The following POLR2F variants were observed in gnomAD, a reference collection of about 807,000 sequenced individuals.
POLR2F encodes RNA polymerase II, I and III subunit F.
POLR2F carries 12 observed loss-of-function variants against 22.7 expected under a neutral mutation model. That is an observed-to-expected ratio of 0.53 (90% confidence interval 0.34 to 0.86). The LOEUF (loss-of-function observed/expected upper bound fraction) is 0.86. Ranked by LOEUF, POLR2F falls within the 40% of genes least tolerant of loss-of-function variation. The pLI is 0.02. For synonymous variants in POLR2F, 57 were observed against 66.0 expected (o/e 0.86, Z 0.66); for missense variants, 126 against 171.5 (o/e 0.73, Z 1.48).
upstream of POLR2F, among the ~76,000 whole-genome samples, chr22:37,982,863 C>T (rs1932444000): frequency 1.3e-5 from 2 of 152,178 alleles, no homozygotes; most frequent in African/African-American, 2.4e-5. Flanking sequence ...TTCTTCATCC[C>T]TCACTCTTCC....
chr22:37,960,851 C>CTTTTTTT (rs71195075), intron 3 of POLR2F, among the ~76,000 whole-genome samples: 1 of 131,560 alleles, frequency 7.6e-6, no homozygotes, highest in Non-Finnish European at 1.6e-5. Flanking sequence ...TTTCTTTTTT[C>CTTTTTTT]TTTTTTTTTT....
At position 38,017,363 on chromosome 22, in the gene POLR2F, T is replaced by C. The variant is rs78899198; in HGVS notation, c.121-8506T>C. On this transcript the variant is annotated intron_variant, in intron 1 of 2. Coordinates refer to the POLR2F transcript ENST00000333418. The surrounding 1 kb of genome is among the most constrained non-coding windows in gnomAD (Gnocchi z 4.1). ...ATCATGCTCAATGTCAGCTTGGCTC[T>C]TGGGGGTCTGTCTCCCAGCTGGGCC... Among the ~76,000 whole-genome samples, 1,960 of 152,190 alleles carry C rather than the reference T, an allele frequency of 0.013. 23 individuals are homozygous for C. The highest frequency in any genetic ancestry group is 0.033 in the South Asian group (160 of 4,818).
chr22:38,027,561 C>T (rs2085025381), downstream of POLR2F, among the ~76,000 whole-genome samples: 1 of 152,158 alleles, frequency 6.6e-6, no homozygotes, highest in Admixed American at 6.5e-5. Flanking sequence ...TCTGAGACCA[C>T]ATCTGGCCTC....
intron 5 of POLR2F, among the ~76,000 whole-genome samples, chr22:38,036,378 C>T (rs200670592): frequency 6.6e-6 from 1 of 151,684 alleles, no homozygotes; most frequent in Non-Finnish European, 1.5e-5. Context: ...AAAAATTCCC[C>T]GAAGGAGAGG....
At position 37,997,994 on chromosome 22, in the gene POLR2F, T is replaced by C. The variant is rs1175421982; in HGVS notation, c.120+11682T>C. Among the ~76,000 whole-genome samples the C allele has an allele frequency of 6.6e-6, 1 of 152,082 alleles. No homozygotes were observed. The highest frequency in any genetic ancestry group is 2.4e-5 in the African/African-American group (1 of 41,410). ...TTTGTGTCCCCTTCCGGTGAGAGCT[T>C]TCCAGCGCCCAGAGAGCCAAGACGG... On this transcript the variant is annotated intron_variant, in intron 1 of 2. Transcript: ENST00000333418. This position sits in a 1 kb window ranked among gnomAD's most constrained non-coding sequence, Gnocchi z 4.4.
At chr22:37,973,690 G>A, downstream of POLR2F, 1 of 1,610,172 alleles carries the variant, frequency 6.2e-7, no homozygotes, top group Non-Finnish European at 8.5e-7. Flanking sequence ...GATGGTCAGA[G>A]TAGTCAAACT....
At chr22:38,029,351 A>G (rs1436558110), downstream of POLR2F, among the ~76,000 whole-genome samples, 1 of 152,232 alleles carries the variant, frequency 6.6e-6, no homozygotes, top group Non-Finnish European at 1.5e-5. Context: ...AGTTAGTTCA[A>G]CAAGCACCTC....
At chr22:38,037,981 A>G (rs1302187303) in intron 5 of POLR2F, among the ~76,000 whole-genome samples, 2 of 152,092 alleles carry the variant, frequency 1.3e-5, no homozygotes, top group African/African-American at 2.4e-5. Flanking sequence ...AGCAAGGGTC[A>G]TCAAGTCAGC....
At chr22:37,974,268 A>G, downstream of POLR2F, 1 of 1,215,292 alleles carries the variant, frequency 8.2e-7, no homozygotes, top group Non-Finnish European at 1.2e-6. The surrounding 1 kb of genome is among the most constrained non-coding windows in gnomAD (Gnocchi z 5.4). Context: ...GGCGCACGTG[A>G]ACTTCCATGG....
At chr22:38,037,100 G>A (rs1372023899) in intron 5 of POLR2F, among the ~76,000 whole-genome samples, 1 of 152,174 alleles carries the variant, frequency 6.6e-6, no homozygotes, top group African/African-American at 2.4e-5. Context: ...GCATCTTCCT[G>A]AGGAGAGAGG....
At chr22:38,031,176 G>A (rs895169296), downstream of POLR2F, among the ~76,000 whole-genome samples, 11 of 152,262 alleles carry the variant, frequency 7.2e-5, no homozygotes, top group African/African-American at 1.9e-4. The surrounding 1 kb of genome is among the most constrained non-coding windows in gnomAD (Gnocchi z 4.1). Flanking sequence ...GGTTAAGAGC[G>A]AGAGTTTGGG....
At chr22:38,013,677 TCATTCTCTCTCCA>T (rs1296513734) in intron 1 of POLR2F, among the ~76,000 whole-genome samples, 1 of 152,240 alleles carries the variant, frequency 6.6e-6, no homozygotes, top group African/African-American at 2.4e-5. Context: ...TTAGGTCACC[TCATTCTCTCTCCA>T]CATTCTTCTG....
chr22:38,000,163 C>T (rs1027975756), intron 1 of POLR2F, among the ~76,000 whole-genome samples: 1 of 152,228 alleles, frequency 6.6e-6, no homozygotes, highest in East Asian at 1.9e-4. Flanking sequence ...ACAGTGTGTG[C>T]AGCCACTGGC....
At chr22:38,022,433 C>A (rs2145821736) in intron 1 of POLR2F, among the ~76,000 whole-genome samples, 1 of 151,514 alleles carries the variant, frequency 6.6e-6, no homozygotes, top group East Asian at 2.0e-4. Context: ...TGCCTGTAAT[C>A]CCAGGTGCTC....
At chr22:38,014,137 A>G (rs113735714) in intron 1 of POLR2F, among the ~76,000 whole-genome samples, 3,916 of 151,548 alleles carry the variant, frequency 0.026, 157 homozygotes, top group African/African-American at 0.086. Context: ...AAAAAAAAAA[A>G]AAAAGAAAAA....
At chr22:37,973,220 G>A, downstream of POLR2F, 1 of 418,844 alleles carries the variant, frequency 2.4e-6, no homozygotes, top group East Asian at 3.6e-5. Flanking sequence ...GTCATTCCTG[G>A]GGGAAGGTGC....
rs375902319 is a variant in POLR2F at position 37,978,201 on chromosome 22, T to A, written c.293+11031T>A. On this transcript the variant is annotated intron_variant, in intron 4 of 4. Coordinates refer to the POLR2F transcript ENST00000405557. This position sits in a 1 kb window ranked among gnomAD's most constrained non-coding sequence, Gnocchi z 5.0. ...GGCGTGAATGCCAGAGCACTCCAGG[T>A]TGGCCTCCCTCTGAGTGTCCATCTT... The A allele has an allele frequency of 1.3e-4, 193 of 1,443,516 alleles. 8 individuals carry two copies. Among genetic ancestry groups the A allele is most frequent in the East Asian group, 1.1e-3 (45 of 40,574 alleles). 89.4% of individuals were successfully genotyped at this position (1,443,516 alleles called of 1,614,324 possible).
chr22:37,978,245 G>A lies in POLR2F; in HGVS notation c.293+11075G>A. 8.1e-7 allele frequency: 1 copy of A among 1,228,112 alleles called. No homozygotes were observed. Among genetic ancestry groups the A allele is most frequent in the Non-Finnish European group, 1.1e-6 (1 of 910,790 alleles). The allele number at this position is 1,228,112 out of a possible 1,614,324, so 76.1% of individuals were successfully genotyped here. A position where few individuals can be genotyped will look rare whatever the true frequency, so the allele number is the denominator to read the frequency against. On this transcript the variant is annotated intron_variant, in intron 4 of 4. Coordinates refer to the POLR2F transcript ENST00000405557. The surrounding 1 kb of genome is among the most constrained non-coding windows in gnomAD (Gnocchi z 5.0). ...CCATCTTGGAAGATGTGAGGCCCTGGGATGGGGCACCCAGAGGACAGGACC... is the reference window on the plus strand; with the variant it reads ...CCATCTTGGAAGATGTGAGGCCCTGAGATGGGGCACCCAGAGGACAGGACC...
intron 1 of POLR2F, among the ~76,000 whole-genome samples, chr22:38,000,822 T>G (rs2084762448): frequency 1.3e-5 from 2 of 152,228 alleles, no homozygotes; most frequent in Non-Finnish European, 2.9e-5. Flanking sequence ...CCACCAACTC[T>G]GCTGTGGGCT....
Sources: allele counts gnomAD v4.1 joint callset (sites outside exome capture counted in the v4.1 genomes callset), GRCh38; gene constraint gnomAD v4.1.1; non-coding constraint Gnocchi (gnomAD v3.1); transcripts MANE v1.5; gene names NCBI Gene and HGNC (gene_info 2026-07-23, HGNC 2026-07-21).